MAK: variants seen among roughly 807,000 people sequenced by gnomAD.
The protein encoded by MAK is male germ cell associated kinase, also known as serine/threonine-protein kinase MAK.
MAK carries 65 observed loss-of-function variants against 82.6 expected under a neutral mutation model. The observed-to-expected ratio is 0.79, with a 90% CI of 0.64 to 0.97. The LOEUF is 0.97. Among genes scored for constraint, MAK ranks in the 50% least tolerant of loss-of-function variants. The probability of loss-of-function intolerance (pLI) is 0.00; values close to 1 mark genes in which losing one functional copy is unlikely to be tolerated. For synonymous variants in MAK, 250 were observed against 274.2 expected, an observed-to-expected ratio of 0.91 and a Z score of 0.87; for missense variants, 703 against 780.2, an observed-to-expected ratio of 0.90 and a Z score of 1.18.
chr6:10,799,773 C>A (rs1775867257), intron 8 of MAK, among the ~76,000 whole-genome samples: 1 of 152,146 alleles, frequency 6.6e-6, no homozygotes, highest in African/African-American at 2.4e-5. Context: ...TCTGGCCAGG[C>A]ACAGTGGCAC....
At chr6:10,795,905 T>C (rs1266781966) in intron 9 of MAK, 93 bp downstream of exon 9, 19 of 1,379,008 alleles carry the variant, frequency 1.4e-5, no homozygotes, top group East Asian at 2.3e-5. Context: ...AAATCTTTTA[T>C]ATCTTTTCCA....
intron 2 of MAK, among the ~76,000 whole-genome samples, chr6:10,827,522 A>G (rs779963383): frequency 6.6e-6 from 1 of 152,192 alleles, no homozygotes; most frequent in African/African-American, 2.4e-5. Context: ...GCTAGCAGGC[A>G]TTTGGGGTTT....
At chr6:10,814,302 GC>G (rs1317632753) in intron 4 of MAK, among the ~76,000 whole-genome samples, 1 of 152,100 alleles carries the variant, frequency 6.6e-6, no homozygotes, top group African/African-American at 2.4e-5. Flanking sequence ...CCCAAGAAGA[GC>G]AAAGCAAGTT....
intron 2 of MAK, among the ~76,000 whole-genome samples, chr6:10,825,237 A>C (rs1743070402): frequency 1.3e-5 from 2 of 152,274 alleles, no homozygotes; most frequent in Non-Finnish European, 2.9e-5. Context: ...CATGAAAATC[A>C]TAGAAAACAT....
At position 10,764,264 on chromosome 6, in the gene MAK, A is replaced by G. The variant is rs3734395; in HGVS notation, c.*188T>C. ...TACCCATATATCAACACTGTGGGCA[A>G]TGATGCTAAGAAAATGCATTTCTTG... On this transcript the variant is annotated 3_prime_UTR_variant, in exon 15 of 15. Coordinates refer to ENST00000354489, the MANE Select transcript of MAK (RefSeq NM_001242957.3). 998 of 608,784 alleles carry G rather than the reference A, an allele frequency of 1.6e-3. 16 individuals are homozygous for G. In the East Asian group the frequency reaches 0.026, roughly 16 times the overall value. 37.7% of individuals were successfully genotyped at this position (608,784 alleles called of 1,614,324 possible).
intron 13 of MAK, among the ~76,000 whole-genome samples, chr6:10,771,613 C>T (rs1372389970): frequency 6.6e-6 from 1 of 152,352 alleles, no homozygotes; most frequent in African/African-American, 2.4e-5. Flanking sequence ...TATCTGTTTA[C>T]ACGTCTCGAC....
At chr6:10,769,976 AAAC>A in intron 14 of MAK, 132 bp downstream of exon 14, 3 of 1,533,606 alleles carry the variant, frequency 2.0e-6, no homozygotes, top group Non-Finnish European at 2.7e-6. Flanking sequence ...ATTTCGGTAA[AAAC>A]AAAAAGAAAT....
Position 10,796,002 on chromosome 6 carries a change from G to A in MAK, c.1139C>T (p.Pro380Leu), listed in dbSNP as rs781652966. The change falls in exon 9 of 15, where the codon CCA becomes CTA. Residue 380 changes from proline (P) to leucine (L), a missense_variant. Pro to Leu is a moderately conservative substitution (Grantham distance 98). Coordinates refer to ENST00000354489, the MANE Select transcript of MAK (RefSeq NM_001242957.3). The stretch of plus-strand genomic sequence containing the variant: ...GTGTCATGACTGGCTACTCACAGTT[G>A]GCATGTTTTTGACGATGCTCGGGAA... ...TLFPSIVKNM[P>L]TKPNGTLSHK... 1.2e-6 allele frequency: 2 copies of A among 1,613,660 alleles called. No homozygotes were observed. Among genetic ancestry groups the A allele is most frequent in the South Asian group, 2.2e-5 (2 of 91,058 alleles).
rs1284303139 is a variant in MAK, at chr6:10,770,243, CAT to C, written c.1673-15_1673-14del. ...CTTCCAAGATTTCCTAGTGACATAT[CAT>C]AAAGTTTCACAGTCAGAAGGTGAAT... On this transcript the variant is annotated splice_polypyrimidine_tract_variant and intron_variant, in intron 13 of 14. Coordinates refer to ENST00000354489, the MANE Select transcript of MAK (RefSeq NM_001242957.3). 13 of 1,613,480 alleles carry C rather than the reference CAT, an allele frequency of 8.1e-6. No individual in the cohort carries two copies. Among genetic ancestry groups the C allele is most frequent in the Non-Finnish European group, 1.1e-5 (13 of 1,179,912 alleles).
rs1216332428 is a variant in MAK, at chr6:10,778,412, AC to A, written c.1466-2954del. On this transcript the variant is annotated intron_variant, in intron 11 of 14. Transcript: ENST00000354489. ...TAAGCTGAAATGTGAATCATGATTA[AC>A]CCTCATTTATGCCTGAGGTTGCAAT... 2.0e-5 allele frequency among the ~76,000 whole-genome samples: 3 copies of A among 152,192 alleles called. No individual in the cohort carries two copies. In the East Asian group the frequency reaches 5.8e-4, roughly 29 times the overall value.
intron 2 of MAK, chr6:10,827,596 G>A (rs183552031): frequency 6.6e-5 from 10 of 152,202 alleles, no homozygotes; most frequent in South Asian, 2.1e-4. Context: ...ATAGGTTTTC[G>A]TACTAATTCA....
At chr6:10,823,308 C>T (rs1778100627) in intron 2 of MAK, among the ~76,000 whole-genome samples, 1 of 152,084 alleles carries the variant, frequency 6.6e-6, no homozygotes, top group Non-Finnish European at 1.5e-5. Context: ...TCTAATAACA[C>T]ATGGAACTTG....
intron 5 of MAK, among the ~76,000 whole-genome samples, chr6:10,813,232 T>A (rs1179606130): frequency 7.5e-5 from 10 of 132,452 alleles, no homozygotes; most frequent in African/African-American, 2.8e-4. Context: ...CACTGCAACC[T>A]CCACCTCTGG....
intron 14 of MAK, among the ~76,000 whole-genome samples, chr6:10,765,069 C>T (rs1247046248): frequency 4.7e-5 from 7 of 149,108 alleles, no homozygotes; most frequent in Non-Finnish European, 1.0e-4. Context: ...GCACACCAGC[C>T]TGGGCGACAA....
chr6:10,810,639 G>A (rs2127567503), intron 5 of MAK, among the ~76,000 whole-genome samples: 1 of 151,884 alleles, frequency 6.6e-6, no homozygotes, highest in East Asian at 1.9e-4. Flanking sequence ...ACGGCCAGCT[G>A]GGGTTGGGAA....
At chr6:10,804,491 C>T (rs948623644) in intron 6 of MAK, among the ~76,000 whole-genome samples, 2 of 152,178 alleles carry the variant, frequency 1.3e-5, no homozygotes, top group African/African-American at 4.8e-5. Flanking sequence ...TACAGGGGCA[C>T]ACCACCATGC....
intron 9 of MAK, among the ~76,000 whole-genome samples, chr6:10,792,394 C>G (rs1775164713): frequency 6.6e-6 from 1 of 152,180 alleles, no homozygotes; most frequent in Non-Finnish European, 1.5e-5. Context: ...TTCATGAGCT[C>G]CAGCTACCCA....
At chr6:10,802,240 G>T in intron 7 of MAK, 181 bp from the exon 8 acceptor site, 1 of 572,270 alleles carries the variant, frequency 1.7e-6, no homozygotes, top group Non-Finnish European at 3.1e-6. Context: ...CGACAGTATA[G>T]AAAGAACATT....
At chr6:10,787,291 T>A (rs1774649535) in intron 10 of MAK, among the ~76,000 whole-genome samples, 1 of 152,220 alleles carries the variant, frequency 6.6e-6, no homozygotes, top group Non-Finnish European at 1.5e-5. Context: ...AATCCAACAA[T>A]TCACCAATTC....
Sources: gnomAD v4.1 joint callset for allele counts (sites outside exome capture counted in the v4.1 genomes callset) on GRCh38, gnomAD v4.1.1 for gene constraint, MANE v1.5 for transcripts, NCBI Gene and HGNC (gene_info 2026-07-23, HGNC 2026-07-21) for gene names.